Variants in MAP2K1 observed in about 807,000 individuals in gnomAD.
The protein encoded by MAP2K1 is mitogen-activated protein kinase kinase 1.
Under a neutral mutation model 46.3 loss-of-function variants are expected in MAP2K1, and 16 were observed. That is an observed-to-expected ratio of 0.35 (90% CI 0.23 to 0.52). The LOEUF is 0.52. MAP2K1 is among the 20% of genes least tolerant of loss of function. The probability of loss-of-function intolerance (pLI) is 0.94; values close to 1 mark genes in which losing one functional copy is unlikely to be tolerated. For synonymous variants in MAP2K1, 183 were observed against 185.6 expected, an observed-to-expected ratio of 0.99 and a Z score of 0.11; for missense variants, 263 against 497.1, an observed-to-expected ratio of 0.53 and a Z score of 4.48.
At chr15:66,415,386 C>G (rs2093422211) in intron 1 of MAP2K1, among the ~76,000 whole-genome samples, 1 of 152,176 alleles carries the variant, frequency 6.6e-6, no homozygotes, top group South Asian at 2.1e-4. Context: ...CAGCCAAATT[C>G]TTTATTATAC....
chr15:66,468,782 T>G (rs1892533651), intron 5 of MAP2K1, among the ~76,000 whole-genome samples: 1 of 149,892 alleles, frequency 6.7e-6, no homozygotes, highest in African/African-American at 2.5e-5. Flanking sequence ...AATACAAAAA[T>G]TAGCTGGACG....
rs1893227748 is a variant in MAP2K1 at position 66,490,704 on chromosome 15, G to C, written c.*89G>C. 1 of 901,054 alleles carries C rather than the reference G, an allele frequency of 1.1e-6. No homozygotes were observed. Among genetic ancestry groups the C allele is most frequent in the Non-Finnish European group, 1.9e-6 (1 of 535,022 alleles). The allele number at this position is 901,054 out of a possible 1,614,324, so 55.8% of individuals were successfully genotyped here. A position where few individuals can be genotyped will look rare whatever the true frequency, so the allele number is the denominator to read the frequency against. ...TCCTTCCCATGCCTGTCTCTGTTCA[G>C]ATGTGCATTTCACCTGTGACAAAGG... On this transcript the variant is annotated 3_prime_UTR_variant, in exon 11 of 11. Coordinates refer to ENST00000307102, the MANE Select transcript of MAP2K1 (RefSeq NM_002755.4).
At chr15:66,473,148 A>G (rs903284234) in intron 5 of MAP2K1, among the ~76,000 whole-genome samples, 1 of 152,160 alleles carries the variant, frequency 6.6e-6, no homozygotes, top group South Asian at 2.1e-4. Flanking sequence ...AGGTAGCCCA[A>G]ATAATCTGGT....
chr15:66,445,039 C>A (rs938607473), intron 5 of MAP2K1: 8 of 292,074 alleles, frequency 2.7e-5, no homozygotes, highest in Non-Finnish European at 5.2e-5. Context: ...ATGCCTAAAG[C>A]CAGGACTGGC....
chr15:66,437,731 T>G (rs2093492109), intron 3 of MAP2K1, among the ~76,000 whole-genome samples: 1 of 152,222 alleles, frequency 6.6e-6, no homozygotes, highest in African/African-American at 2.4e-5. Context: ...ATTTTGAACC[T>G]CTCTTCATTG....
chr15:66,392,846 C>A (rs530995971), intron 1 of MAP2K1, among the ~76,000 whole-genome samples: 1 of 152,258 alleles, frequency 6.6e-6, no homozygotes, highest in Admixed American at 6.5e-5. Context: ...AGCCACCATG[C>A]CTGGCCTTAG....
At chr15:66,471,553 G>A (rs1276324335) in intron 5 of MAP2K1, among the ~76,000 whole-genome samples, 3 of 152,124 alleles carry the variant, frequency 2.0e-5, no homozygotes, top group African/African-American at 7.2e-5. Flanking sequence ...ACCCTAAATG[G>A]CCTACTTAAT....
At chr15:66,387,560 C>T in intron 1 of MAP2K1, 133 bp downstream of exon 1, 3 of 862,794 alleles carry the variant, frequency 3.5e-6, no homozygotes, top group Non-Finnish European at 3.7e-6. Flanking sequence ...AAACTCCCGG[C>T]CGCCGAGGTA....
At chr15:66,481,363 T>C (rs1892911030) in intron 5 of MAP2K1, among the ~76,000 whole-genome samples, 1 of 152,212 alleles carries the variant, frequency 6.6e-6, no homozygotes, top group African/African-American at 2.4e-5. Flanking sequence ...TACTTGTTTT[T>C]TTCTGCCTCC....
At chr15:66,441,112 G>GCAT (rs1361645380) in intron 3 of MAP2K1, among the ~76,000 whole-genome samples, 1 of 152,056 alleles carries the variant, frequency 6.6e-6, no homozygotes, top group Non-Finnish European at 1.5e-5. Flanking sequence ...CAACAGATGT[G>GCAT]CATCACCATG....
chr15:66,478,399 T>TGTATATATATATATACACACAG (rs1224302125), intron 5 of MAP2K1, among the ~76,000 whole-genome samples: 2 of 101,592 alleles, frequency 2.0e-5, no homozygotes, highest in Admixed American at 2.0e-4. Flanking sequence ...GATATGTGTG[T>TGTATATATATATATACACACAG]GTATATATAT....
intron 3 of MAP2K1, among the ~76,000 whole-genome samples, chr15:66,437,479 T>C (rs2093491499): frequency 6.6e-6 from 1 of 152,238 alleles, no homozygotes; most frequent in African/African-American, 2.4e-5. Flanking sequence ...TAGGGAATTC[T>C]GCAAGTATTA....
At position 66,420,771 on chromosome 15, in the gene MAP2K1, A is replaced by G. The variant is rs763646139; in HGVS notation, c.81-14256A>G. 2.2e-3 allele frequency among the ~76,000 whole-genome samples: 47 copies of G among 21,806 alleles called. 6 individuals carry two copies. Among genetic ancestry groups the G allele is most frequent in the South Asian group, 6.5e-3 (2 of 308 alleles). The allele number at this position is 21,806 out of a possible 152,430, so 14.3% of individuals were successfully genotyped here. On this transcript the variant is annotated intron_variant, in intron 1 of 10. Transcript: ENST00000307102. ...TGTGTGTGTGTGTGTATGTGTGTAT[A>G]TATATGTGTATATATATGTGTGTAT...
chr15:66,413,834 T>C (rs2093417481), intron 1 of MAP2K1, among the ~76,000 whole-genome samples: 1 of 152,014 alleles, frequency 6.6e-6, no homozygotes, highest in East Asian at 1.9e-4. Context: ...TGAAGGACTG[T>C]ATCCCCAAAG....
chr15:66,391,238 G>A (rs1466214452), intron 1 of MAP2K1, among the ~76,000 whole-genome samples: 1 of 152,010 alleles, frequency 6.6e-6, no homozygotes, highest in Non-Finnish European at 1.5e-5. Flanking sequence ...TTTTTCATTG[G>A]GGTGTTCTTA....
At chr15:66,452,304 G>GAAAAAAAAAA (rs767435065) in intron 5 of MAP2K1, among the ~76,000 whole-genome samples, 6 of 131,956 alleles carry the variant, frequency 4.5e-5, no homozygotes, top group Admixed American at 8.1e-5. Flanking sequence ...AAAAAAAAAA[G>GAAAAAAAAAA]AAAAAAAAAA....
chr15:66,404,966 A>G (rs2093392640), intron 1 of MAP2K1, among the ~76,000 whole-genome samples: 1 of 152,222 alleles, frequency 6.6e-6, no homozygotes, highest in Non-Finnish European at 1.5e-5. Flanking sequence ...ACTGCAAGAA[A>G]GAGAGTAGGA....
intron 6 of MAP2K1, among the ~76,000 whole-genome samples, chr15:66,483,310 C>G (rs1014795526): frequency 3.3e-5 from 5 of 152,186 alleles, no homozygotes; most frequent in Non-Finnish European, 5.9e-5. Flanking sequence ...CACCCCTCCC[C>G]TCCAGTGACC....
Position 66,487,235 on chromosome 15 carries a change from A to G in MAP2K1, c.903A>G (p.Gly301=). The G allele has an allele frequency of 6.2e-7, 1 of 1,614,006 alleles. No homozygotes were observed. The highest frequency in any genetic ancestry group is 8.5e-7 in the Non-Finnish European group (1 of 1,179,840). The stretch of plus-strand genomic sequence containing the variant: ...TTTTTATAAAATTTGTAGCATACGG[A>G]ATGGACAGCCGACCTCCCATGGCAA... The part of the protein sequence containing the change: ...RTPGRPLSSY[G]MDSRPPMAIF... The change falls in exon 8 of 11, where the codon GGA becomes GGG. Residue 301 remains glycine, a synonymous_variant. Transcript: ENST00000307102.
Sources: gnomAD v4.1 joint callset for allele counts (sites outside exome capture counted in the v4.1 genomes callset) on GRCh38, gnomAD v4.1.1 for gene constraint, MANE v1.5 for transcripts, NCBI Gene and HGNC (gene_info 2026-07-23, HGNC 2026-07-21) for gene names.